RAVER2: variants seen among roughly 807,000 people sequenced by gnomAD.
RAVER2 encodes the protein ribonucleoprotein PTB-binding 2.
Under a neutral mutation model 78.1 loss-of-function variants are expected in RAVER2, and 46 were observed. The observed-to-expected ratio is 0.59, with a 90% CI of 0.46 to 0.75. RAVER2 has a LOEUF of 0.75. Among genes scored for constraint, RAVER2 ranks in the 30% least tolerant of loss-of-function variants. The probability of loss-of-function intolerance (pLI) is 0.00; values close to 1 mark genes in which losing one functional copy is unlikely to be tolerated. For synonymous variants in RAVER2, 311 were observed against 313.3 expected (o/e 0.99, Z 0.08); for missense variants, 793 against 837.5 (o/e 0.95, Z 0.66).
intron 2 of RAVER2, among the ~76,000 whole-genome samples, chr1:64,772,056 G>T (rs1652335305): frequency 6.6e-6 from 1 of 152,062 alleles, no homozygotes; most frequent in Non-Finnish European, 1.5e-5. Context: ...AAAGAATTGG[G>T]ATCAATTGTG....
intron 1 of RAVER2, among the ~76,000 whole-genome samples, chr1:64,760,528 C>T (rs957663983): frequency 1.3e-5 from 2 of 152,134 alleles, no homozygotes; most frequent in East Asian, 1.9e-4. Context: ...CAAGGAAAAG[C>T]GTGGCCAAAA....
intron 1 of RAVER2, among the ~76,000 whole-genome samples, chr1:64,752,577 C>G (rs563269112): frequency 3.3e-5 from 5 of 152,162 alleles, no homozygotes; most frequent in Non-Finnish European, 7.3e-5. Context: ...TAATTACACC[C>G]AGATTTCCCC....
Position 64,745,231 on chromosome 1 carries a change from CGGGGCT to C in RAVER2, c.65_70del (p.Leu22_Gly23del), listed in dbSNP as rs929176912. On this transcript the variant is annotated inframe_deletion, in exon 1 of 12. Transcript: ENST00000294428. This position sits in a 1 kb window ranked among gnomAD's most constrained non-coding sequence, Gnocchi z 4.3. ...GGGGGCGCGGGCCTGGGCAGCGCGG[CGGGGCT>C]GGGGCCGGGGCCGGGGCTGCGCGGG... The C allele has an allele frequency of 6.7e-5, 74 of 1,106,178 alleles. 1 individual carries two copies. In the African/African-American group the frequency reaches 1.2e-3, roughly 17 times the overall value. The allele number at this position is 1,106,178 out of a possible 1,614,324, so 68.5% of individuals were successfully genotyped here. A position where few individuals can be genotyped will look rare whatever the true frequency, so the allele number is the denominator to read the frequency against.
Position 64,789,069 on chromosome 1 carries a change from G to A in RAVER2, c.979-319G>A, listed in dbSNP as rs563129067. Among the ~76,000 whole-genome samples, 5 of 152,152 alleles carry A rather than the reference G, an allele frequency of 3.3e-5. No homozygotes were observed. In the South Asian group the frequency reaches 1.0e-3, roughly 32 times the overall value. On this transcript the variant is annotated intron_variant, in intron 4 of 11. Coordinates refer to ENST00000294428, the Ensembl canonical transcript of RAVER2. Reference sequence around the variant, plus strand: ...TCTGTAGTATCAAAGTATCCATATTGTGTCAACAAGTTATTAATAACTTCA... The same window carrying A: ...TCTGTAGTATCAAAGTATCCATATTATGTCAACAAGTTATTAATAACTTCA...
chr1:64,828,654 T>C (rs1654054138), intron 11 of RAVER2, among the ~76,000 whole-genome samples: 1 of 143,708 alleles, frequency 7.0e-6, no homozygotes, highest in South Asian at 2.2e-4. Flanking sequence ...ACCCGTTTTC[T>C]TTTTTTTTTT....
chr1:64,831,134 C>A, exon 12 of RAVER2: 3 of 769,694 alleles, frequency 3.9e-6, no homozygotes, highest in South Asian at 3.6e-5. Context: ...GGCAGAAATG[C>A]CAAATAAAAA....
At chr1:64,800,132 T>G (rs1021703915) in intron 5 of RAVER2, among the ~76,000 whole-genome samples, 48 of 98,740 alleles carry the variant, frequency 4.9e-4, no homozygotes, top group African/African-American at 1.7e-3. Flanking sequence ...TTGTTTTTTG[T>G]TTTTTTTTTT....
chr1:64,796,733 G>A (rs1653107193), intron 5 of RAVER2, among the ~76,000 whole-genome samples: 1 of 151,770 alleles, frequency 6.6e-6, no homozygotes. Context: ...GACTTTCTCT[G>A]GTTGTTGTCT....
At chr1:64,769,903 A>C in intron 2 of RAVER2, among the ~76,000 whole-genome samples, 1 of 151,802 alleles carries the variant, frequency 6.6e-6, no homozygotes, top group Non-Finnish European at 1.5e-5. Context: ...TCTGTTTTAA[A>C]CTTTTCATAA....
intron 1 of RAVER2, among the ~76,000 whole-genome samples, chr1:64,748,648 AT>A (rs919260500): frequency 1.7e-4 from 26 of 151,856 alleles, no homozygotes; most frequent in African/African-American, 9.7e-5. Context: ...TTAACTCCCA[AT>A]TTTTTTTCAT....
chr1:64,820,664 T>C (rs1557606579), intron 11 of RAVER2, among the ~76,000 whole-genome samples: 1 of 152,212 alleles, frequency 6.6e-6, no homozygotes, highest in Non-Finnish European at 1.5e-5. Context: ...ACACGCGGTA[T>C]TTGGTTTTCT....
In RAVER2 at chr1:64,793,095, C is replaced by T. The variant is rs568695151; in HGVS notation, c.1105+3581C>T. ...GCATGCACTTGTAGTCCCAGCTACT[C>T]GGGAGGCTAAGGCAGGAGAATGACT... On this transcript the variant is annotated intron_variant, in intron 5 of 11. Transcript: ENST00000294428. Among the ~76,000 whole-genome samples, 493 of 152,146 alleles carry T rather than the reference C, an allele frequency of 3.2e-3. 1 individual carries two copies. Among genetic ancestry groups the T allele is most frequent in the Admixed American group, 4.9e-3 (75 of 15,284 alleles).
intron 11 of RAVER2, among the ~76,000 whole-genome samples, chr1:64,830,383 A>G (rs1301482373): frequency 2.0e-5 from 3 of 152,168 alleles, no homozygotes; most frequent in Admixed American, 6.5e-5. Context: ...GTCATTTGTC[A>G]GTTTCTACAC....
intron 1 of RAVER2, among the ~76,000 whole-genome samples, chr1:64,753,194 C>G (rs1651747174): frequency 6.6e-6 from 1 of 152,148 alleles, no homozygotes; most frequent in Non-Finnish European, 1.5e-5. Context: ...TCTGGGACCA[C>G]AGATGCATAT....
chr1:64,777,847 C>T (rs774986737), exon 3 of RAVER2: 1 of 1,614,064 alleles, frequency 6.2e-7, no homozygotes, highest in Non-Finnish European at 8.5e-7. Context: ...AGTTACTGGC[C>T]ATTCCAAAGG....
chr1:64,821,426 C>T (rs1653884677), intron 11 of RAVER2, among the ~76,000 whole-genome samples: 1 of 152,110 alleles, frequency 6.6e-6, no homozygotes, highest in African/African-American at 2.4e-5. Context: ...TTTTGTTCTT[C>T]CTGCAATTGC....
At chr1:64,830,864 G>A (rs777895507) in exon 12 of RAVER2, 25 of 1,607,524 alleles carry the variant, frequency 1.6e-5, no homozygotes, top group African/African-American at 2.7e-5. Flanking sequence ...AATGAAAAGC[G>A]AGGCTCATCA....
intron 1 of RAVER2, among the ~76,000 whole-genome samples, chr1:64,753,819 G>A (rs572277327): frequency 6.6e-6 from 1 of 152,226 alleles, no homozygotes; most frequent in Non-Finnish European, 1.5e-5. Flanking sequence ...ACCGTGCCCG[G>A]CCTCTCATTT....
rs568822801 is a variant in RAVER2, at chr1:64,758,401, A to C, written c.250-10255A>C. Among the ~76,000 whole-genome samples the C allele has an allele frequency of 2.6e-5, 4 of 152,300 alleles. No individual in the cohort carries two copies. In the East Asian group the frequency reaches 5.8e-4, roughly 22 times the overall value. Reference sequence around the variant, plus strand: ...GGGTTACACAAAACAGAGATTATCTAGGTGGGCCCAATCTAATCACATGTG... The same window carrying C: ...GGGTTACACAAAACAGAGATTATCTCGGTGGGCCCAATCTAATCACATGTG... On this transcript the variant is annotated intron_variant, in intron 1 of 11. Transcript: ENST00000294428.
Sources: allele counts gnomAD v4.1 joint callset (sites outside exome capture counted in the v4.1 genomes callset), GRCh38; gene constraint gnomAD v4.1.1; non-coding constraint Gnocchi (gnomAD v3.1); transcripts MANE v1.5; gene names NCBI Gene and HGNC (gene_info 2026-07-23, HGNC 2026-07-21).